RIC1: variants seen among roughly 807,000 people sequenced by gnomAD.
RIC1 encodes RIC1 partner of RAB6A GEF complex, also known as guanine nucleotide exchange factor subunit RIC1.
A neutral mutation model predicts 169.0 loss-of-function variants in RIC1; 88 were observed. The observed-to-expected ratio is 0.52, with a 90% CI of 0.44 to 0.62. RIC1 has a LOEUF of 0.62. Among genes scored for constraint, RIC1 ranks in the 20% least tolerant of loss-of-function variants. The pLI, the probability that RIC1 is intolerant of heterozygous loss-of-function variation, is 0.00. For synonymous variants in RIC1, 790 were observed against 601.5 expected, an observed-to-expected ratio of 1.31 and a Z score of -4.59; for missense variants, 1,877 against 1,725.5, an observed-to-expected ratio of 1.09 and a Z score of -1.56.
chr9:5,772,498 T>A (rs1479237633), intron 23 of RIC1, 66 bp from the exon 24 acceptor site: 10 of 1,342,912 alleles, frequency 7.4e-6, no homozygotes, highest in Admixed American at 2.5e-5. Context: ...CAGCTAATAT[T>A]TAAAATTAAA....
At chr9:5,685,222 A>G (rs1052187045) in intron 2 of RIC1, among the ~76,000 whole-genome samples, 13 of 149,388 alleles carry the variant, frequency 8.7e-5, no homozygotes, top group African/African-American at 2.2e-4. Context: ...TACAGATTCA[A>G]TGCCATCCCC....
At chr9:5,664,277 G>A (rs1251139192) in intron 2 of RIC1, among the ~76,000 whole-genome samples, 3 of 152,040 alleles carry the variant, frequency 2.0e-5, no homozygotes, top group South Asian at 2.1e-4. Flanking sequence ...GCTGAGTGTC[G>A]TGGCGCATAC....
At chr9:5,759,014 A>C (rs1000703036) in intron 17 of RIC1, among the ~76,000 whole-genome samples, 1 of 152,018 alleles carries the variant, frequency 6.6e-6, no homozygotes, top group Non-Finnish European at 1.5e-5. Context: ...AAGTGCTGGG[A>C]TTAAGGGCGT....
intron 6 of RIC1, among the ~76,000 whole-genome samples, chr9:5,722,406 C>G (rs913232336): frequency 3.5e-5 from 5 of 143,944 alleles, no homozygotes; most frequent in African/African-American, 1.3e-4. Flanking sequence ...ATGTGTGGGT[C>G]TATAGGTATG....
rs143886234 is a variant in RIC1 at position 5,747,381 on chromosome 9, C to G, written c.1328C>G (p.Pro443Arg). 5.7e-4 allele frequency: 925 copies of G among 1,614,002 alleles called. 5 individuals carry two copies. Among genetic ancestry groups the G allele is most frequent in the South Asian group, 2.9e-3 (264 of 91,082 alleles). ...NCGEASQTQNPRSSSTHSEHK... is the reference protein window; with the variant it reads ...NCGEASQTQNRRSSSTHSEHK... ...GGAGAGGCTTCACAAACCCAGAATCCCAGGAGTTCTTCAACACACTCTGAG... is the reference window on the plus strand; with the variant it reads ...GGAGAGGCTTCACAAACCCAGAATCGCAGGAGTTCTTCAACACACTCTGAG... The change falls in exon 12 of 26, where the codon CCC becomes CGC. Residue 443 changes from proline to arginine, a missense_variant. Pro to Arg is a moderately radical substitution (Grantham distance 103). Transcript: ENST00000414202.
In RIC1 at chr9:5,774,520, TGG is replaced by T. The variant is rs745631792; in HGVS notation, c.*275_*276del. ...GAATATTTTGGTTTTACTCAAAGGT[TGG>T]TAGCTCTTAAACCACAGGAATTGTT... On this transcript the variant is annotated 3_prime_UTR_variant, in exon 26 of 26. Transcript: ENST00000414202. The T allele has an allele frequency of 3.1e-5, 8 of 261,732 alleles. No homozygotes were observed. Among genetic ancestry groups the T allele is most frequent in the Non-Finnish European group, 5.0e-5 (7 of 139,322 alleles). 16.2% of individuals were successfully genotyped at this position (261,732 alleles called of 1,614,324 possible).
At chr9:5,752,151 G>T (rs942537983) in intron 12 of RIC1, among the ~76,000 whole-genome samples, 1 of 152,142 alleles carries the variant, frequency 6.6e-6, no homozygotes, top group Non-Finnish European at 1.5e-5. Context: ...AAATTGAAAG[G>T]TGTTGTTAGG....
At chr9:5,706,284 T>A (rs1408040581) in intron 3 of RIC1, among the ~76,000 whole-genome samples, 1 of 151,986 alleles carries the variant, frequency 6.6e-6, no homozygotes, top group Non-Finnish European at 1.5e-5. Flanking sequence ...ATGGTGAAAC[T>A]GCATCTAAAA....
At chr9:5,687,566 T>G (rs1821325287) in intron 2 of RIC1, among the ~76,000 whole-genome samples, 1 of 152,188 alleles carries the variant, frequency 6.6e-6, no homozygotes, top group Non-Finnish European at 1.5e-5. Flanking sequence ...CTTTTTCTCC[T>G]TTGATTCATG....
intron 2 of RIC1, among the ~76,000 whole-genome samples, chr9:5,679,053 T>C (rs1413803861): frequency 1.3e-5 from 2 of 152,164 alleles, no homozygotes; most frequent in Non-Finnish European, 2.9e-5. Context: ...AGTTTCAGCT[T>C]TCTACATATG....
At chr9:5,716,858 G>C (rs372441599) in intron 4 of RIC1, among the ~76,000 whole-genome samples, 1 of 152,060 alleles carries the variant, frequency 6.6e-6, no homozygotes, top group Admixed American at 6.5e-5. Context: ...TTTTTTTAGA[G>C]GTGGTAGTCT....
chr9:5,762,009 T>A (rs564931845), intron 17 of RIC1, among the ~76,000 whole-genome samples: 3 of 152,358 alleles, frequency 2.0e-5, no homozygotes, highest in African/African-American at 7.2e-5. Context: ...GCTTCTTTCC[T>A]GCTGCTCTTT....
At chr9:5,700,856 T>C (rs1274189330) in intron 3 of RIC1, among the ~76,000 whole-genome samples, 3 of 152,248 alleles carry the variant, frequency 2.0e-5, no homozygotes, top group African/African-American at 7.2e-5. Flanking sequence ...ATTAAATTTT[T>C]TCTTTTCCAT....
intron 1 of RIC1, among the ~76,000 whole-genome samples, chr9:5,637,726 GC>G (rs1324229560): frequency 6.6e-6 from 1 of 152,130 alleles, no homozygotes; most frequent in Non-Finnish European, 1.5e-5. Context: ...GTCTCTCTAT[GC>G]CTTGCTTATT....
chr9:5,715,805 C>G (rs987110556), intron 4 of RIC1, among the ~76,000 whole-genome samples: 8 of 150,960 alleles, frequency 5.3e-5, no homozygotes, highest in Admixed American at 2.6e-4. Context: ...CCTTCCCCTC[C>G]CCTCCCATCC....
At chr9:5,686,328 G>A (rs954622511) in intron 2 of RIC1, among the ~76,000 whole-genome samples, 9 of 151,960 alleles carry the variant, frequency 5.9e-5, no homozygotes, top group East Asian at 1.9e-4. Context: ...ACATGCACAC[G>A]TATGTTTATT....
chr9:5,778,160 T>G (rs1827682474), downstream of RIC1, among the ~76,000 whole-genome samples: 1 of 152,236 alleles, frequency 6.6e-6, no homozygotes, highest in South Asian at 2.1e-4. Flanking sequence ...AGTCTCATAC[T>G]TTTGTTAGAT....
intron 2 of RIC1, among the ~76,000 whole-genome samples, chr9:5,664,999 T>C (rs1188211729): frequency 6.6e-6 from 1 of 152,168 alleles, no homozygotes; most frequent in Non-Finnish European, 1.5e-5. Flanking sequence ...CCTCCTAGTA[T>C]TGTCAGTGGT....
chr9:5,715,350 GA>G (rs141017538), intron 4 of RIC1, among the ~76,000 whole-genome samples: 3 of 150,072 alleles, frequency 2.0e-5, no homozygotes, highest in Non-Finnish European at 3.0e-5. Flanking sequence ...GAGCCAAAAA[GA>G]AAAAAAAACA....
Sources: gnomAD v4.1 joint callset for allele counts (sites outside exome capture counted in the v4.1 genomes callset) on GRCh38, gnomAD v4.1.1 for gene constraint, MANE v1.5 for transcripts, NCBI Gene and HGNC (gene_info 2026-07-23, HGNC 2026-07-21) for gene names.